Variants in SPAST observed in about 807,000 individuals in gnomAD.
The protein encoded by SPAST is spastic paraplegia 4 (autosomal dominant; spastin).
A neutral mutation model predicts 76.6 loss-of-function variants in SPAST; 30 were observed. The ratio of observed to expected loss-of-function variants is 0.39; its 90% CI spans 0.29 to 0.53. The LOEUF (loss-of-function observed/expected upper bound fraction) is 0.53. Among genes scored for constraint, SPAST ranks in the 20% least tolerant of loss-of-function variants. The pLI is 0.68. For synonymous variants in SPAST, 305 were observed against 281.0 expected, an observed-to-expected ratio of 1.09 and a Z score of -0.86; for missense variants, 717 against 770.5, an observed-to-expected ratio of 0.93 and a Z score of 0.82.
chr2:32,109,245 A>G (rs1012038754), intron 4 of SPAST, among the ~76,000 whole-genome samples: 2 of 151,960 alleles, frequency 1.3e-5, no homozygotes, highest in African/African-American at 4.8e-5. Context: ...GGTAGCTGGA[A>G]TTAGAGGTGT....
At chr2:32,081,701 T>C (rs1204359324) in intron 1 of SPAST, among the ~76,000 whole-genome samples, 2 of 146,404 alleles carry the variant, frequency 1.4e-5, no homozygotes, top group Non-Finnish European at 3.0e-5. Context: ...GGAAAATTGC[T>C]TGAACCCGAG....
intron 12 of SPAST, among the ~76,000 whole-genome samples, chr2:32,140,391 C>T (rs1679676659): frequency 6.6e-6 from 1 of 152,060 alleles, no homozygotes; most frequent in African/African-American, 2.4e-5. Context: ...AATTTTTTGG[C>T]AAGGACAGAC....
intron 9 of SPAST, among the ~76,000 whole-genome samples, chr2:32,134,986 G>A (rs149073097): frequency 1.3e-5 from 2 of 152,106 alleles, no homozygotes; most frequent in East Asian, 1.9e-4. Context: ...ATGAGCCACC[G>A]CACCCGGCCT....
chr2:32,151,428 T>C (rs763627050), intron 16 of SPAST, among the ~76,000 whole-genome samples: 2 of 152,182 alleles, frequency 1.3e-5, no homozygotes, highest in Non-Finnish European at 2.9e-5. Context: ...ATAAAACTGA[T>C]AGTGGCATTT....
At chr2:32,112,581 T>C (rs1020913820) in intron 4 of SPAST, among the ~76,000 whole-genome samples, 1 of 152,132 alleles carries the variant, frequency 6.6e-6, no homozygotes, top group Non-Finnish European at 1.5e-5. Flanking sequence ...CTCCTGACCT[T>C]GTGATCCGCC....
intron 4 of SPAST, among the ~76,000 whole-genome samples, chr2:32,111,357 G>GTGTATAGAGTATATATAGTATAC (rs1411016560): frequency 4.7e-5 from 6 of 127,826 alleles, no homozygotes; most frequent in African/African-American, 8.0e-5. Context: ...ACTGTATAGT[G>GTGTATAGAGTATATATAGTATAC]TGTATAGCGT....
chr2:32,087,849 C>T (rs1278220549), intron 2 of SPAST, among the ~76,000 whole-genome samples: 1 of 142,878 alleles, frequency 7.0e-6, no homozygotes, highest in African/African-American at 2.6e-5. Flanking sequence ...GCGCACACTA[C>T]CATACTTAGC....
chr2:32,109,292 A>G (rs949512070), intron 4 of SPAST, among the ~76,000 whole-genome samples: 3 of 151,510 alleles, frequency 2.0e-5, no homozygotes, highest in African/African-American at 7.3e-5. Flanking sequence ...TGTTTTTAGT[A>G]AAGATGGGGT....
At chr2:32,073,513 A>G (rs1676834801) in intron 1 of SPAST, among the ~76,000 whole-genome samples, 1 of 152,168 alleles carries the variant, frequency 6.6e-6, no homozygotes, top group African/African-American at 2.4e-5. Flanking sequence ...AAAGCAAGAT[A>G]GAGACAGGGT....
chr2:32,147,695 G>A (rs538523831), intron 16 of SPAST, among the ~76,000 whole-genome samples: 31 of 151,068 alleles, frequency 2.1e-4, no homozygotes, highest in African/African-American at 6.8e-4. Flanking sequence ...GCAGTGGTGC[G>A]ATCTCAGCTC....
At chr2:32,143,976 T>G (rs1573168612) in intron 14 of SPAST, among the ~76,000 whole-genome samples, 2 of 152,216 alleles carry the variant, frequency 1.3e-5, no homozygotes, top group African/African-American at 4.8e-5. Context: ...ATTTTAATTA[T>G]TTGATAATTT....
intron 4 of SPAST, among the ~76,000 whole-genome samples, chr2:32,100,498 A>G (rs1678080190): frequency 6.6e-6 from 1 of 152,054 alleles, no homozygotes; most frequent in Non-Finnish European, 1.5e-5. Context: ...TCTAGGGTGC[A>G]TGTGCACAAC....
At chr2:32,147,362 T>TTC (rs1258476182) in intron 16 of SPAST, 104 bp downstream of exon 16, 1 of 733,180 alleles carries the variant, frequency 1.4e-6, no homozygotes, top group Non-Finnish European at 2.2e-6. Context: ...TTTTTTTTTT[T>TTC]TTTTTTTTGA....
intron 4 of SPAST, among the ~76,000 whole-genome samples, chr2:32,103,026 A>G (rs1442649616): frequency 2.6e-5 from 4 of 152,160 alleles, no homozygotes; most frequent in Non-Finnish European, 5.9e-5. Context: ...GATTGGAATC[A>G]TTTCAGAAGG....
intron 9 of SPAST, among the ~76,000 whole-genome samples, chr2:32,134,308 C>G (rs1679464693): frequency 6.6e-6 from 1 of 152,090 alleles, no homozygotes; most frequent in Non-Finnish European, 1.5e-5. Context: ...CGAGACCAGC[C>G]TGGCTAACAT....
intron 1 of SPAST, among the ~76,000 whole-genome samples, chr2:32,079,595 C>T (rs1337995387): frequency 7.2e-6 from 1 of 138,478 alleles, no homozygotes; most frequent in African/African-American, 2.7e-5. Context: ...GGGTCTTGCT[C>T]TGTCACCCAG....
chr2:32,101,466 A>T (rs1373021136), intron 4 of SPAST, among the ~76,000 whole-genome samples: 2 of 152,088 alleles, frequency 1.3e-5, no homozygotes, highest in Non-Finnish European at 2.9e-5. Flanking sequence ...CTTTAGTTTA[A>T]TTAGATCCCA....
intron 3 of SPAST, among the ~76,000 whole-genome samples, chr2:32,097,212 C>G (rs770624314): frequency 6.6e-6 from 1 of 152,164 alleles, no homozygotes; most frequent in Non-Finnish European, 1.5e-5. Context: ...CTGCTACCTT[C>G]TTGGGCTTCA....
intron 9 of SPAST, among the ~76,000 whole-genome samples, chr2:32,135,419 G>A (rs772373724): frequency 6.6e-6 from 1 of 152,076 alleles, no homozygotes; most frequent in Non-Finnish European, 1.5e-5. Context: ...CTGAGCCGCC[G>A]CGCCCGGCCT....
Sources: allele counts gnomAD v4.1 joint callset (sites outside exome capture counted in the v4.1 genomes callset), GRCh38; gene constraint gnomAD v4.1.1; transcripts MANE v1.5; gene names NCBI Gene and HGNC (gene_info 2026-07-23, HGNC 2026-07-21).